The following NEK1 variants were observed in gnomAD, a reference collection of about 807,000 sequenced individuals.
The protein encoded by NEK1 is serine/threonine-protein kinase Nek1.
In NEK1, 137 loss-of-function variants were observed where a neutral mutation model predicts 182.1. That is an observed-to-expected ratio of 0.75 (90% CI 0.65 to 0.87). NEK1 has a LOEUF of 0.87. Among genes scored for constraint, NEK1 ranks in the 40% least tolerant of loss-of-function variants. The pLI is 0.00. For synonymous variants in NEK1, 513 were observed against 492.2 expected, an observed-to-expected ratio of 1.04 and a Z score of -0.56; for missense variants, 1,391 against 1,494.4, an observed-to-expected ratio of 0.93 and a Z score of 1.14.
At chr4:169,542,498 A>G (rs1462057486) in intron 18 of NEK1, among the ~76,000 whole-genome samples, 2 of 152,190 alleles carry the variant, frequency 1.3e-5, no homozygotes, top group East Asian at 3.8e-4. Context: ...ATGATTTATA[A>G]TCCTTTGGGT....
intron 16 of NEK1, among the ~76,000 whole-genome samples, chr4:169,558,864 T>C (rs1317651357): frequency 1.3e-5 from 2 of 152,184 alleles, no homozygotes; most frequent in African/African-American, 4.8e-5. Context: ...AGTATTAATT[T>C]TGAAATACTT....
intron 18 of NEK1, among the ~76,000 whole-genome samples, chr4:169,538,806 G>A (rs1159997675): frequency 6.6e-6 from 1 of 152,118 alleles, no homozygotes; most frequent in African/African-American, 2.4e-5. Flanking sequence ...ATTATGTCCT[G>A]AAAATTACAT....
chr4:169,596,144 G>T (rs779053662), intron 5 of NEK1, among the ~76,000 whole-genome samples: 1 of 151,910 alleles, frequency 6.6e-6, no homozygotes, highest in Non-Finnish European at 1.5e-5. Context: ...AGAATGTATC[G>T]GGCTCAGTTT....
intron 27 of NEK1, among the ~76,000 whole-genome samples, chr4:169,444,493 C>T (rs988653405): frequency 6.7e-6 from 1 of 149,490 alleles, no homozygotes; most frequent in Non-Finnish European, 1.5e-5. Context: ...CATATTTTAA[C>T]CCAAAAGCTG....
In NEK1 at chr4:169,588,748, TA is replaced by T. The variant is rs1426590677; in HGVS notation, c.465-14del. 9 of 1,497,812 alleles carry T rather than the reference TA, an allele frequency of 6.0e-6. No homozygotes were observed. In the Admixed American group the frequency reaches 1.8e-4, roughly 29 times the overall value. The allele number at this position is 1,497,812 out of a possible 1,614,324, so 92.8% of individuals were successfully genotyped here. A position where few individuals can be genotyped will look rare whatever the true frequency, so the allele number is the denominator to read the frequency against. ...CAGCTCTACAGTACTAGAAGAAAAA[TA>T]AAATTATTGGAGAAGTTAAAGACAC... On this transcript the variant is annotated splice_polypyrimidine_tract_variant and intron_variant, in intron 7 of 35. Transcript: ENST00000507142.
At chr4:169,480,918 T>C (rs570641995) in intron 23 of NEK1, among the ~76,000 whole-genome samples, 10 of 152,272 alleles carry the variant, frequency 6.6e-5, no homozygotes, top group African/African-American at 2.2e-4. Flanking sequence ...CTGTTGCATT[T>C]TACCCACAGT....
chr4:169,523,385 C>T (rs1165553483), intron 19 of NEK1, among the ~76,000 whole-genome samples: 3 of 151,986 alleles, frequency 2.0e-5, no homozygotes, highest in Non-Finnish European at 4.4e-5. Context: ...GACTGGTGTC[C>T]CTATAAAAAG....
intron 27 of NEK1, among the ~76,000 whole-genome samples, chr4:169,452,222 T>C (rs967057467): frequency 6.6e-6 from 1 of 152,196 alleles, no homozygotes; most frequent in African/African-American, 2.4e-5. Flanking sequence ...GATTCACAGC[T>C]GAATTCTACC....
intron 27 of NEK1, among the ~76,000 whole-genome samples, chr4:169,449,007 T>C (rs1741165727): frequency 6.6e-6 from 1 of 152,250 alleles, no homozygotes; most frequent in South Asian, 2.1e-4. Flanking sequence ...GATTCTCTCC[T>C]GTGCCTGGCT....
At chr4:169,395,484 T>A (rs965700881) in intron 35 of NEK1, among the ~76,000 whole-genome samples, 1 of 152,230 alleles carries the variant, frequency 6.6e-6, no homozygotes, top group East Asian at 1.9e-4. Flanking sequence ...AAATTCCCAT[T>A]TGTCTTTCAG....
At chr4:169,561,458 C>A (rs1333188642) in intron 16 of NEK1, 22 bp downstream of exon 16, 3 of 1,602,752 alleles carry the variant, frequency 1.9e-6, no homozygotes, top group Non-Finnish European at 1.7e-6. Context: ...GTAGTATAAC[C>A]ATATTGGTAT....
At chr4:169,481,161 T>C (rs1193610552) in intron 23 of NEK1, among the ~76,000 whole-genome samples, 1 of 152,198 alleles carries the variant, frequency 6.6e-6, no homozygotes, top group Non-Finnish European at 1.5e-5. Flanking sequence ...CAGGCTCCCC[T>C]TGCCATTCTA....
intron 23 of NEK1, among the ~76,000 whole-genome samples, chr4:169,494,861 T>G (rs1364639602): frequency 6.6e-6 from 1 of 152,216 alleles, no homozygotes; most frequent in East Asian, 1.9e-4. Context: ...ATGATGAGCA[T>G]TTTTTCATGT....
intron 19 of NEK1, among the ~76,000 whole-genome samples, chr4:169,513,731 C>T (rs1468439922): frequency 6.6e-6 from 1 of 152,034 alleles, no homozygotes; most frequent in Non-Finnish European, 1.5e-5. Context: ...TCAGAACATT[C>T]CCCTGTATTT....
In NEK1 at chr4:169,508,349, C is replaced by G; in HGVS notation, c.1750-18G>C. ...AGATAAACCTACAAGGAGGCAAAAACCCCAACATAATAATGTAAAAGCAAA... is the reference window on the plus strand; with the variant it reads ...AGATAAACCTACAAGGAGGCAAAAAGCCCAACATAATAATGTAAAAGCAAA... On this transcript the variant is annotated intron_variant, in intron 20 of 35. Coordinates refer to ENST00000507142, the MANE Select transcript of NEK1 (RefSeq NM_001199397.3). 2.6e-6 allele frequency: 4 copies of G among 1,536,550 alleles called. No individual in the cohort carries two copies. Among genetic ancestry groups the G allele is most frequent in the Non-Finnish European group, 3.5e-6 (4 of 1,141,394 alleles).
chr4:169,483,662 T>G (rs1158100835), intron 23 of NEK1, among the ~76,000 whole-genome samples: 3 of 152,070 alleles, frequency 2.0e-5, no homozygotes, highest in Non-Finnish European at 4.4e-5. Context: ...GTCATGAGTT[T>G]GAGACCAGTC....
intron 19 of NEK1, among the ~76,000 whole-genome samples, chr4:169,511,607 A>ATG (rs1391584783): frequency 1.3e-5 from 2 of 152,128 alleles, no homozygotes; most frequent in South Asian, 2.1e-4. Flanking sequence ...TTGCATAGCT[A>ATG]CATTACACCA....
chr4:169,465,623 G>A (rs1164742259), intron 26 of NEK1, among the ~76,000 whole-genome samples: 1 of 152,120 alleles, frequency 6.6e-6, no homozygotes, highest in Non-Finnish European at 1.5e-5. Context: ...AATACTTCGA[G>A]TTCACACAGT....
chr4:169,436,970 T>C (rs1190810006), intron 28 of NEK1, among the ~76,000 whole-genome samples: 2 of 152,176 alleles, frequency 1.3e-5, no homozygotes, highest in Non-Finnish European at 2.9e-5. Flanking sequence ...CACAAAATTA[T>C]TTAGAAATTC....
Sources: gnomAD v4.1 joint callset for allele counts (sites outside exome capture counted in the v4.1 genomes callset) on GRCh38, gnomAD v4.1.1 for gene constraint, MANE v1.5 for transcripts, NCBI Gene and HGNC (gene_info 2026-07-23, HGNC 2026-07-21) for gene names.